The following SPDYE12 variants were observed in gnomAD, a reference collection of about 807,000 sequenced individuals.
SPDYE12 encodes speedy/RINGO cell cycle regulator family member E12.
At chr7:74,908,520 G>A in the SPDYE12 span, among the ~76,000 whole-genome samples, 16 of 114,416 alleles carry the variant, frequency 1.4e-4, no homozygotes, top group African/African-American at 4.4e-4. Context: ...GGAGGAGGCT[G>A]ATGGCTTTTG....
chr7:74,909,215 G>A, the SPDYE12 span, among the ~76,000 whole-genome samples: 4 of 150,476 alleles, frequency 2.7e-5, no homozygotes, highest in African/African-American at 4.9e-5. Context: ...CAACATGCCC[G>A]ACTGATTTTT....
At chr7:74,909,466 C>T in the SPDYE12 span, 3 of 1,143,828 alleles carry the variant, frequency 2.6e-6, no homozygotes, top group East Asian at 7.0e-5. Context: ...AATCCCACTT[C>T]CCCCGCTGTC....
chr7:74,909,392 A>C, the SPDYE12 span: 1 of 1,409,430 alleles, frequency 7.1e-7, no homozygotes, highest in Non-Finnish European at 1.0e-6. Context: ...AGATACTATA[A>C]TCCTGTCTTT....
the SPDYE12 span, among the ~76,000 whole-genome samples, chr7:74,908,003 TA>T: frequency 1.1e-4 from 16 of 148,932 alleles, no homozygotes; most frequent in African/African-American, 4.0e-4. Context: ...GGACTGGGAG[TA>T]ATCAGGGGAG....
At chr7:74,908,093 A>C in the SPDYE12 span, among the ~76,000 whole-genome samples, 5 of 149,054 alleles carry the variant, frequency 3.4e-5, no homozygotes, top group Non-Finnish European at 6.0e-5. Flanking sequence ...AGATGAGGGA[A>C]GGCATCACAG....
At chr7:74,908,031 G>A in the SPDYE12 span, among the ~76,000 whole-genome samples, 2 of 151,032 alleles carry the variant, frequency 1.3e-5, no homozygotes, top group Non-Finnish European at 3.0e-5. Flanking sequence ...TAATCCCAAT[G>A]TCACGTTATA....
chr7:74,908,752 C>T, the SPDYE12 span, among the ~76,000 whole-genome samples: 1 of 138,484 alleles, frequency 7.2e-6, no homozygotes, highest in South Asian at 2.3e-4. Flanking sequence ...CGGCTCACTG[C>T]AAGCTCCGCC....
At chr7:74,910,359 G>A in the SPDYE12 span, among the ~76,000 whole-genome samples, 2 of 150,778 alleles carry the variant, frequency 1.3e-5, no homozygotes, top group South Asian at 4.2e-4. Flanking sequence ...CTGGACTCTT[G>A]TCTCAGAAAA....
the SPDYE12 span, among the ~76,000 whole-genome samples, chr7:74,907,584 C>G: frequency 2.7e-5 from 4 of 150,390 alleles, no homozygotes; most frequent in Non-Finnish European, 5.9e-5. Context: ...ATACAAAAAT[C>G]AGCCTGGTGC....
chr7:74,908,572 T>A, the SPDYE12 span, among the ~76,000 whole-genome samples: 1 of 140,000 alleles, frequency 7.1e-6, no homozygotes, highest in African/African-American at 2.6e-5. Context: ...ACCGGAAACG[T>A]CTGCTTGCTG....
chr7:74,907,734 T>TAAAG, the SPDYE12 span, among the ~76,000 whole-genome samples: 2 of 111,302 alleles, frequency 1.8e-5, 1 homozygote, highest in Non-Finnish European at 3.5e-5. Context: ...CTTGTCTTGA[T>TAAAG]AAATAAATAA....
chr7:74,910,375 T>A, the SPDYE12 span, among the ~76,000 whole-genome samples: 108 of 148,836 alleles, frequency 7.3e-4, no homozygotes, highest in African/African-American at 2.0e-3. Flanking sequence ...GAAAAAAAAA[T>A]GTGTGGGTGC....
the SPDYE12 span, among the ~76,000 whole-genome samples, chr7:74,907,962 A>G: frequency 1.3e-4 from 20 of 150,218 alleles, no homozygotes; most frequent in African/African-American, 4.9e-4. Flanking sequence ...TTTTGCCAGG[A>G]CCCTGCCTTC....
At chr7:74,908,716 C>CAGGCTGG in the SPDYE12 span, among the ~76,000 whole-genome samples, 1 of 129,800 alleles carries the variant, frequency 7.7e-6, no homozygotes, top group African/African-American at 2.9e-5. Context: ...TTCTGTCGCC[C>CAGGCTGG]AGGCTGGAGT....
the SPDYE12 span, among the ~76,000 whole-genome samples, chr7:74,905,027 G>GA: frequency 7.4e-6 from 1 of 134,672 alleles, no homozygotes; most frequent in Non-Finnish European, 1.6e-5. Context: ...TTCTGGTGGG[G>GA]AACTACCAAT....
the SPDYE12 span, among the ~76,000 whole-genome samples, chr7:74,909,033 G>GCTT: frequency 1.1e-3 from 35 of 31,984 alleles, no homozygotes; most frequent in East Asian, 4.7e-3. Context: ...TTTTTGCCTG[G>GCTT]TTTTTTTTTT....
At chr7:74,907,087 G>T in the SPDYE12 span, 5 of 1,514,738 alleles carry the variant, frequency 3.3e-6, no homozygotes, top group South Asian at 4.4e-5. Flanking sequence ...CATGTCATTG[G>T]CCAGATAGCT....
At chr7:74,907,629 G>A in the SPDYE12 span, among the ~76,000 whole-genome samples, 1 of 150,670 alleles carries the variant, frequency 6.6e-6, no homozygotes. Context: ...TACTCAAGAG[G>A]CTGAAGCATA....
the SPDYE12 span, among the ~76,000 whole-genome samples, chr7:74,907,945 A>G: frequency 6.7e-6 from 1 of 149,624 alleles, no homozygotes; most frequent in Non-Finnish European, 1.5e-5. Context: ...AATTGAATAC[A>G]CTGATATTTT....
Sources: allele counts gnomAD v4.1 joint callset (sites outside exome capture counted in the v4.1 genomes callset), GRCh38; gene constraint gnomAD v4.1.1; transcripts MANE v1.5; gene names NCBI Gene and HGNC (gene_info 2026-07-23, HGNC 2026-07-21).